PCDHGA8: variants seen among roughly 807,000 people sequenced by gnomAD.
PCDHGA8 encodes the protein protocadherin gamma subfamily A, 8.
Under a neutral mutation model 59.2 loss-of-function variants are expected in PCDHGA8, and 45 were observed. The observed-to-expected ratio is 0.76, with a 90% CI of 0.60 to 0.98. PCDHGA8 has a LOEUF of 0.98. PCDHGA8 is among the 50% of genes least tolerant of loss of function. The pLI, the probability that PCDHGA8 is intolerant of heterozygous loss-of-function variation, is 0.00. For missense variants in PCDHGA8, 1,257 were observed against 1,196.2 expected (o/e 1.05, Z -0.75); for synonymous variants, 531 against 519.0 (o/e 1.02, Z -0.32).
chr5:141,433,140 C>T (rs1394486228), intron 1 of PCDHGA8: 4 of 1,613,948 alleles, frequency 2.5e-6, no homozygotes, highest in African/African-American at 1.3e-5. Flanking sequence ...CTTTTGCTGT[C>T]AGGTGATTCG....
At chr5:141,403,150 C>G (rs1420317278) in intron 1 of PCDHGA8, 2 of 1,614,046 alleles carry the variant, frequency 1.2e-6, no homozygotes, top group Non-Finnish European at 1.7e-6. Flanking sequence ...GAGTCCGCAT[C>G]GTCTCTAGAG....
intron 1 of PCDHGA8, chr5:141,421,248 C>G: frequency 1.2e-6 from 2 of 1,604,936 alleles, no homozygotes; most frequent in Middle Eastern, 1.7e-4. Flanking sequence ...GGCTACAGCG[C>G]GGGGACCGCA....
At chr5:141,435,800 A>G (rs530461064) in intron 1 of PCDHGA8, among the ~76,000 whole-genome samples, 20 of 152,128 alleles carry the variant, frequency 1.3e-4, no homozygotes, top group Non-Finnish European at 2.6e-4. Flanking sequence ...ATAACGTCCC[A>G]ATTATTTTTT....
At chr5:141,419,977 G>A (rs962684463) in intron 1 of PCDHGA8, 1 of 1,614,066 alleles carries the variant, frequency 6.2e-7, no homozygotes, top group Non-Finnish European at 8.5e-7. Context: ...TTCTCCTCGC[G>A]GTGATTCTAG....
intron 1 of PCDHGA8, among the ~76,000 whole-genome samples, chr5:141,472,863 G>A (rs2099301197): frequency 6.7e-6 from 1 of 149,994 alleles, no homozygotes. Context: ...GCACATGCCT[G>A]TATTCCCAGC....
chr5:141,404,772 G>T, intron 1 of PCDHGA8: 2 of 1,613,820 alleles, frequency 1.2e-6, no homozygotes, highest in African/African-American at 1.3e-5. Flanking sequence ...CTCTCCTACC[G>T]CCTATTCAAG....
chr5:141,487,718 A>G lies in PCDHGA8; in HGVS notation c.2425-7089A>G. Reference sequence around the variant, plus strand: ...TACTGGCCTCTCAGTAAGTGCCCATAGTGATGTCACCATTTTTGTAAGAGG... The same window carrying G: ...TACTGGCCTCTCAGTAAGTGCCCATGGTGATGTCACCATTTTTGTAAGAGG... On this transcript the variant is annotated intron_variant, in intron 1 of 3. Coordinates refer to ENST00000398604, the MANE Select transcript of PCDHGA8 (RefSeq NM_032088.2). The surrounding 1 kb of genome is among the most constrained non-coding windows in gnomAD (Gnocchi z 5.0). The G allele has an allele frequency of 1.3e-6, 2 of 1,580,268 alleles. No individual in the cohort carries two copies. The highest frequency in any genetic ancestry group is 1.7e-6 in the Non-Finnish European group (2 of 1,161,186).
chr5:141,411,859 C>CA (rs553337516), intron 1 of PCDHGA8: 8,585 of 145,752 alleles, frequency 0.059, 330 homozygotes, highest in Non-Finnish European at 0.088. Context: ...GACCCTGTCT[C>CA]AAAAAAAAAA....
chr5:141,472,779 A>C (rs908169292), intron 1 of PCDHGA8, among the ~76,000 whole-genome samples: 5 of 152,012 alleles, frequency 3.3e-5, no homozygotes, highest in Non-Finnish European at 7.4e-5. Context: ...TGAGGTTGGG[A>C]GTTCAAGATC....
rs779065098 is a variant in PCDHGA8, at chr5:141,491,758, C to G, written c.2425-3049C>G. The G allele has an allele frequency of 1.9e-6, 3 of 1,578,788 alleles. No individual in the cohort carries two copies. The highest frequency in any genetic ancestry group is 1.7e-4 in the Middle Eastern group (1 of 5,954). ...TGGGGGCGGCACTGGAGAAGCCGCCCGTCCTCATAAGGGATTGAACTTGCA... is the reference window on the plus strand; with the variant it reads ...TGGGGGCGGCACTGGAGAAGCCGCCGGTCCTCATAAGGGATTGAACTTGCA... On this transcript the variant is annotated intron_variant, in intron 1 of 3. Transcript: ENST00000398604. This position sits in a 1 kb window ranked among gnomAD's most constrained non-coding sequence, Gnocchi z 6.9.
rs199625514 is a variant in PCDHGA8 at position 141,485,144 on chromosome 5, G to C, written c.2425-9663G>C. The C allele has an allele frequency of 6.4e-7, 1 of 1,564,190 alleles. No homozygotes were observed. Among genetic ancestry groups the C allele is most frequent in the African/African-American group, 1.4e-5 (1 of 74,034 alleles). ...CGGGTCGGCTTCATCCGCGTCTCAG[G>C]AGCAAGTAGAGAATTAGCGGGCGGC... On this transcript the variant is annotated intron_variant, in intron 1 of 3. Coordinates refer to ENST00000398604, the MANE Select transcript of PCDHGA8 (RefSeq NM_032088.2). The surrounding 1 kb of genome is among the most constrained non-coding windows in gnomAD (Gnocchi z 5.7).
chr5:141,479,941 T>C (rs983830280), intron 1 of PCDHGA8, among the ~76,000 whole-genome samples: 2 of 152,194 alleles, frequency 1.3e-5, no homozygotes, highest in Admixed American at 6.5e-5. Context: ...TGCTATCAAC[T>C]CTTGGATTTG....
chr5:141,487,356 C>T lies in PCDHGA8; in HGVS notation c.2425-7451C>T. 6.2e-7 allele frequency: 1 copy of T among 1,614,220 alleles called. No individual in the cohort carries two copies. The highest frequency in any genetic ancestry group is 8.5e-7 in the Non-Finnish European group (1 of 1,180,042). ...GCCTGTGGAGTCACATGCTTTCCTG[C>T]TGGCACCTGTGCCTGTCTCACCAGA... On this transcript the variant is annotated intron_variant, in intron 1 of 3. Transcript: ENST00000398604. This position sits in a 1 kb window ranked among gnomAD's most constrained non-coding sequence, Gnocchi z 5.0.
Position 141,432,038 on chromosome 5 carries a change from C to A in PCDHGA8, c.2424+36801C>A. On this transcript the variant is annotated intron_variant, in intron 1 of 3. Transcript: ENST00000398604. The surrounding 1 kb of genome is among the most constrained non-coding windows in gnomAD (Gnocchi z 6.0). ...CAACATCACAGTGACCGCCACTGAC[C>A]GGGGAACCCCGCCCCTATCCACGGA... 1 of 1,614,190 alleles carries A rather than the reference C, an allele frequency of 6.2e-7. No homozygotes were observed. The highest frequency in any genetic ancestry group is 1.1e-5 in the South Asian group (1 of 91,072).
At chr5:141,441,246 C>G (rs2098234855) in intron 1 of PCDHGA8, 1 of 152,136 alleles carries the variant, frequency 6.6e-6, no homozygotes, top group Non-Finnish European at 1.5e-5. Flanking sequence ...ATCACAAGAT[C>G]TTTAAATCAC....
At chr5:141,469,721 A>G (rs1238006043) in intron 1 of PCDHGA8, among the ~76,000 whole-genome samples, 5 of 152,270 alleles carry the variant, frequency 3.3e-5, no homozygotes, top group African/African-American at 1.2e-4. Context: ...TTAGGAATTT[A>G]TCATAAATAC....
intron 3 of PCDHGA8, 111 bp from the exon 4 acceptor site, chr5:141,510,836 G>C: frequency 6.3e-7 from 1 of 1,584,882 alleles, no homozygotes; most frequent in African/African-American, 1.3e-5. Flanking sequence ...TGCTCAGCGT[G>C]GTCAAGGCCC....
At chr5:141,453,370 G>A (rs969698165) in intron 1 of PCDHGA8, among the ~76,000 whole-genome samples, 1 of 152,046 alleles carries the variant, frequency 6.6e-6, no homozygotes, top group Non-Finnish European at 1.5e-5. Context: ...CTGGGGTCAA[G>A]TGATCCTCCT....
chr5:141,426,722 T>G (rs1022367359), intron 1 of PCDHGA8: 1 of 447,734 alleles, frequency 2.2e-6, no homozygotes, highest in Non-Finnish European at 4.6e-6. Context: ...AACTAGCAAT[T>G]CCAGGCATTC....
Sources: gnomAD v4.1 joint callset for allele counts (sites outside exome capture counted in the v4.1 genomes callset) on GRCh38, gnomAD v4.1.1 for gene constraint, Gnocchi (gnomAD v3.1) non-coding constraint, MANE v1.5 for transcripts, NCBI Gene and HGNC (gene_info 2026-07-23, HGNC 2026-07-21) for gene names.